UTP6: variants seen among roughly 807,000 people sequenced by gnomAD.
UTP6 encodes the protein U3 small nucleolar RNA-associated protein 6 homolog.
In UTP6, 60 loss-of-function variants were observed where a neutral mutation model predicts 96.5. The ratio of observed to expected loss-of-function variants is 0.62; its 90% CI spans 0.51 to 0.77. UTP6 has a LOEUF of 0.77. Among genes scored for constraint, UTP6 ranks in the 30% least tolerant of loss-of-function variants. The pLI, the probability that UTP6 is intolerant of heterozygous loss-of-function variation, is 0.00. For synonymous variants in UTP6, 215 were observed against 240.1 expected, an observed-to-expected ratio of 0.90 and a Z score of 0.96; for missense variants, 637 against 706.5, an observed-to-expected ratio of 0.90 and a Z score of 1.12.
intron 16 of UTP6, among the ~76,000 whole-genome samples, chr17:31,872,133 T>C (rs1243764322): frequency 2.0e-5 from 3 of 149,508 alleles, no homozygotes; most frequent in Non-Finnish European, 4.4e-5. Context: ...AGGCAGAAGT[T>C]GCAGTGAGCC....
chr17:31,874,804 C>T (rs572531868), intron 14 of UTP6, among the ~76,000 whole-genome samples: 9 of 151,766 alleles, frequency 5.9e-5, no homozygotes, highest in East Asian at 3.9e-4. Context: ...TGATGGCATG[C>T]GCCTGTAGTC....
intron 18 of UTP6, 120 bp downstream of exon 18, chr17:31,865,246 C>CA (rs1395370769): frequency 2.1e-6 from 2 of 948,718 alleles, no homozygotes; most frequent in African/African-American, 3.3e-5. Flanking sequence ...CTCCTGACCT[C>CA]AGGTGATCCG....
chr17:31,868,842 G>A (rs2051811), intron 16 of UTP6, among the ~76,000 whole-genome samples: 2,454 of 152,252 alleles, frequency 0.016, 27 homozygotes, highest in African/African-American at 0.022. Flanking sequence ...GGCCGGGCAT[G>A]GTGGCTCACA....
intron 4 of UTP6, among the ~76,000 whole-genome samples, chr17:31,894,268 C>CAAAA (rs1179270340): frequency 3.2e-5 from 2 of 63,002 alleles, no homozygotes; most frequent in East Asian, 5.2e-4. Context: ...GACCTTATCT[C>CAAAA]AAAAAAAAAA....
chr17:31,882,952 A>C (rs1479844493), intron 10 of UTP6, among the ~76,000 whole-genome samples: 5 of 152,026 alleles, frequency 3.3e-5, no homozygotes, highest in African/African-American at 7.2e-5. Flanking sequence ...TACCCAACTA[A>C]TTTTATTGTT....
intron 1 of UTP6, chr17:31,901,259 C>A: frequency 2.3e-6 from 1 of 440,530 alleles, no homozygotes; most frequent in Non-Finnish European, 4.2e-6. Context: ...GCCCAATTAG[C>A]TCCTAATGAG....
intron 11 of UTP6, 132 bp downstream of exon 11, chr17:31,880,441 A>AAT: frequency 9.7e-7 from 1 of 1,033,560 alleles, no homozygotes. Flanking sequence ...AAAAAAAAAA[A>AAT]GGCCAGGCTC....
chr17:31,867,709 A>G (rs1445046688), intron 17 of UTP6, among the ~76,000 whole-genome samples: 1 of 151,724 alleles, frequency 6.6e-6, no homozygotes, highest in East Asian at 2.0e-4. Context: ...TGTAATCCCA[A>G]CACTTTGGGA....
chr17:31,871,500 C>G (rs1206494794), intron 16 of UTP6, among the ~76,000 whole-genome samples: 1 of 152,074 alleles, frequency 6.6e-6, no homozygotes, highest in Non-Finnish European at 1.5e-5. Context: ...ACAATCCCAG[C>G]CCTTTGGGAG....
intron 18 of UTP6, among the ~76,000 whole-genome samples, chr17:31,864,295 G>A (rs757434724): frequency 6.6e-6 from 1 of 152,148 alleles, no homozygotes; most frequent in Non-Finnish European, 1.5e-5. Flanking sequence ...GCTGAGGCAC[G>A]AGAATCGCTT....
intron 13 of UTP6, among the ~76,000 whole-genome samples, 169 bp from the exon 14 acceptor site, chr17:31,875,582 T>C (rs1910452681): frequency 6.6e-6 from 1 of 152,048 alleles, no homozygotes; most frequent in Non-Finnish European, 1.5e-5. Context: ...CCCAGCACTT[T>C]GGGAGGCCCA....
intron 10 of UTP6, among the ~76,000 whole-genome samples, chr17:31,883,807 G>T (rs1598108547): frequency 1.3e-5 from 2 of 151,654 alleles, no homozygotes; most frequent in Admixed American, 1.3e-4. Flanking sequence ...CTCCAGAGTA[G>T]GTAGGACCAC....
rs994262219 is a variant in UTP6, at chr17:31,892,857, A to G, written c.313-63T>C. 9 of 1,596,494 alleles carry G rather than the reference A, an allele frequency of 5.6e-6. No homozygotes were observed. In the Admixed American group the frequency reaches 6.9e-5, roughly 12 times the overall value. ...ACCTTTACATATAATACACCTTTGC[A>G]TTAATTAATTTTGCTAAAAACAAGC... On this transcript the variant is annotated intron_variant, in intron 4 of 18. Coordinates refer to ENST00000261708, the MANE Select transcript of UTP6 (RefSeq NM_018428.3).
intron 11 of UTP6, chr17:31,880,326 CAGG>C (rs911094106): frequency 9.3e-6 from 4 of 428,298 alleles, no homozygotes; most frequent in South Asian, 2.3e-5. Flanking sequence ...GAGGCTGAGG[CAGG>C]AGAATTGCTT....
At position 31,894,661 on chromosome 17, in the gene UTP6, G is replaced by A. The variant is rs1378580837; in HGVS notation, c.296C>T (p.Ala99Val). The A allele has an allele frequency of 1.9e-6, 3 of 1,609,318 alleles. No individual in the cohort carries two copies. ...VHRVQGVFQR[A>V]SAKWKDDVQL... ...ATCACTCACTTTCCATTTTGCTGAG[G>A]CACGCTGGAAAACACCTTGTACCCG... Residue 99 changes from alanine to valine, a missense_variant, in exon 4 of 19, where the codon GCC (alanine) becomes GTC (valine). By Grantham distance (64) the Ala-to-Val change is moderately conservative. Coordinates refer to ENST00000261708, the MANE Select transcript of UTP6 (RefSeq NM_018428.3).
At chr17:31,873,614 C>G (rs1910318777) in intron 15 of UTP6, 59 bp downstream of exon 15, 3 of 1,611,834 alleles carry the variant, frequency 1.9e-6, no homozygotes, top group African/African-American at 2.7e-5. Context: ...TAGAGCTGAC[C>G]AACCAGGGAA....
intron 13 of UTP6, among the ~76,000 whole-genome samples, chr17:31,877,005 C>CT (rs1449928860): frequency 6.6e-6 from 1 of 152,170 alleles, no homozygotes; most frequent in Non-Finnish European, 1.5e-5. Context: ...GAGCAAGACT[C>CT]TGTCTCCAAA....
At chr17:31,872,983 C>G (rs910581241) in intron 16 of UTP6, among the ~76,000 whole-genome samples, 3 of 148,334 alleles carry the variant, frequency 2.0e-5, no homozygotes, top group African/African-American at 5.0e-5. Context: ...AGGTGTGGTG[C>G]CTCATGCCTG....
At chr17:31,897,502 G>C (rs1284019008) in intron 2 of UTP6, among the ~76,000 whole-genome samples, 1 of 140,530 alleles carries the variant, frequency 7.1e-6, no homozygotes, top group East Asian at 2.1e-4. Flanking sequence ...GGCTGGGAGT[G>C]CAATGGCACA....
Sources: gnomAD v4.1 joint callset for allele counts (sites outside exome capture counted in the v4.1 genomes callset) on GRCh38, gnomAD v4.1.1 for gene constraint, MANE v1.5 for transcripts, NCBI Gene and HGNC (gene_info 2026-07-23, HGNC 2026-07-21) for gene names.